The following ATXN10 variants were observed in gnomAD, a reference collection of about 807,000 sequenced individuals.
ATXN10 encodes ataxin 10, also known as ataxin-10.
ATXN10 carries 28 observed loss-of-function variants against 52.9 expected under a neutral mutation model. That is an observed-to-expected ratio of 0.53 (90% CI 0.39 to 0.73). The LOEUF (loss-of-function observed/expected upper bound fraction) is 0.73. ATXN10 is among the 30% of genes least tolerant of loss of function. The probability of loss-of-function intolerance (pLI) is 0.00; values close to 1 mark genes in which losing one functional copy is unlikely to be tolerated. For synonymous variants in ATXN10, 226 were observed against 221.5 expected, an observed-to-expected ratio of 1.02 and a Z score of -0.18; for missense variants, 565 against 577.0, an observed-to-expected ratio of 0.98 and a Z score of 0.21.
chr22:45,672,301 C>T (rs1922487880), intron 1 of ATXN10, 122 bp downstream of exon 1: 1 of 1,084,488 alleles, frequency 9.2e-7, no homozygotes, highest in Non-Finnish European at 1.1e-6. Context: ...GCGAGGCCTG[C>T]GCGGGCTGCC....
intron 9 of ATXN10, among the ~76,000 whole-genome samples, chr22:45,799,429 A>G (rs1927860571): frequency 1.3e-5 from 2 of 152,190 alleles, no homozygotes. Flanking sequence ...ACGAGATCAT[A>G]CTGGAGGAGG....
At chr22:45,778,139 C>T (rs1388224299) in intron 9 of ATXN10, among the ~76,000 whole-genome samples, 1 of 152,096 alleles carries the variant, frequency 6.6e-6, no homozygotes, top group Non-Finnish European at 1.5e-5. Context: ...GTTTGCTGGC[C>T]CCTGACTTAA....
At position 45,727,828 on chromosome 22, in the gene ATXN10, A is replaced by T. The variant is rs540926925; in HGVS notation, c.729-1597A>T. ...TTCCTGTTGGATCGATCCTTTTATC[A>T]TCATATAATGACCTTCTTTGTCTTT... On this transcript the variant is annotated intron_variant, in intron 6 of 11. Coordinates refer to ENST00000252934, the MANE Select transcript of ATXN10 (RefSeq NM_013236.4). The surrounding 1 kb of genome is among the most constrained non-coding windows in gnomAD (Gnocchi z 4.6). 1.3e-5 allele frequency among the ~76,000 whole-genome samples: 2 copies of T among 152,178 alleles called. No homozygotes were observed. The highest frequency in any genetic ancestry group is 1.3e-4 in the Admixed American group (2 of 15,286).
chr22:45,807,335 T>G (rs1928133895), intron 10 of ATXN10, among the ~76,000 whole-genome samples: 1 of 152,188 alleles, frequency 6.6e-6, no homozygotes, highest in African/African-American at 2.4e-5. Context: ...GTGTCACCTT[T>G]CCAGTGTGTG....
In ATXN10 at chr22:45,688,916, A is replaced by C. The variant is rs1029558671; in HGVS notation, c.117-796A>C. ...TGCATTTAGGTGCAATGTTGCACAAAAAATTCTTATCTTTAGAGCTCTGGA... is the reference window on the plus strand; with the variant it reads ...TGCATTTAGGTGCAATGTTGCACAACAAATTCTTATCTTTAGAGCTCTGGA... On this transcript the variant is annotated intron_variant, in intron 1 of 11. Transcript: ENST00000252934. The surrounding 1 kb of genome is among the most constrained non-coding windows in gnomAD (Gnocchi z 4.0). 6.6e-6 allele frequency among the ~76,000 whole-genome samples: 1 copy of C among 152,224 alleles called. No homozygotes were observed. Among genetic ancestry groups the C allele is most frequent in the African/African-American group, 2.4e-5 (1 of 41,456 alleles).
intron 4 of ATXN10, among the ~76,000 whole-genome samples, chr22:45,702,335 A>G (rs1923871550): frequency 6.6e-6 from 1 of 152,208 alleles, no homozygotes; most frequent in Non-Finnish European, 1.5e-5. Flanking sequence ...AAGCAGTGCC[A>G]GCAGTCATTG....
At chr22:45,808,209 C>T (rs190727125) in intron 10 of ATXN10, among the ~76,000 whole-genome samples, 681 of 150,590 alleles carry the variant, frequency 4.5e-3, no homozygotes, top group Non-Finnish European at 7.8e-3. Context: ...ATTTTTTTAG[C>T]CCCCCAAAAA....
rs1349801018 is a variant in ATXN10 at position 45,738,780 on chromosome 22, T to C, written c.944T>C (p.Val315Ala). ...CTCGACGTCCTGTGCGAAATGACTG[T>C]GAATACTGAGCTGCTCGGCTATCTG... ...RLLDVLCEMT[V>A]NTELLGYLQV... Residue 315 changes from valine (V) to alanine (A), a missense_variant, in exon 8 of 12, where the codon GTG (valine) becomes GCG (alanine). Transcript: ENST00000252934. 2 of 1,614,184 alleles carry C rather than the reference T, an allele frequency of 1.2e-6. No homozygotes were observed. The highest frequency in any genetic ancestry group is 3.3e-5 in the Admixed American group (2 of 60,026).
intron 9 of ATXN10, among the ~76,000 whole-genome samples, chr22:45,800,658 C>G (rs77866131): frequency 0.035 from 5,398 of 152,294 alleles, 263 homozygotes; most frequent in African/African-American, 0.11. Flanking sequence ...CATAGCATCT[C>G]CATTCATTGC....
In ATXN10 at chr22:45,762,208, T is replaced by C. The variant is rs1315707468; in HGVS notation, c.1173+21670T>C. 6.6e-6 allele frequency among the ~76,000 whole-genome samples: 1 copy of C among 152,170 alleles called. No individual in the cohort carries two copies. Among genetic ancestry groups the C allele is most frequent in the Non-Finnish European group, 1.5e-5 (1 of 68,022 alleles). On this transcript the variant is annotated intron_variant, in intron 9 of 11. Transcript: ENST00000252934. The surrounding 1 kb of genome is among the most constrained non-coding windows in gnomAD (Gnocchi z 4.3). ...CCCTGTGCGTTTCCGAGACTGTGTT[T>C]CTATTTATTTGCCCTTTGTCTGTTT...
intron 10 of ATXN10, among the ~76,000 whole-genome samples, chr22:45,821,950 G>A (rs1333405534): frequency 6.6e-6 from 1 of 152,208 alleles, no homozygotes; most frequent in African/African-American, 2.4e-5. Context: ...AGCCTTCCCT[G>A]AGGAATCCAT....
At position 45,697,759 on chromosome 22, in the gene ATXN10, C is replaced by T. The variant is rs531852351; in HGVS notation, c.392-2523C>T. On this transcript the variant is annotated intron_variant, in intron 3 of 11. Transcript: ENST00000252934. ...CATTCTCCTGCCTCAGCCTCCCGCA[C>T]AGCTGGGACTACAGGCGCCCGCCAC... Among the ~76,000 whole-genome samples the T allele has an allele frequency of 3.1e-3, 478 of 152,212 alleles. 2 individuals carry two copies. Among genetic ancestry groups the T allele is most frequent in the South Asian group, 0.01 (49 of 4,816 alleles).
chr22:45,758,063 C>T (rs1008388894), intron 9 of ATXN10, among the ~76,000 whole-genome samples: 7 of 152,216 alleles, frequency 4.6e-5, no homozygotes, highest in African/African-American at 7.2e-5. Flanking sequence ...AGAACAGTGG[C>T]GTCAGGAAGC....
rs1459329050 is a variant in ATXN10, at chr22:45,826,795, T to C, written c.1238-16196T>C. 6.6e-6 allele frequency among the ~76,000 whole-genome samples: 1 copy of C among 152,182 alleles called. No homozygotes were observed. The highest frequency in any genetic ancestry group is 1.9e-4 in the East Asian group (1 of 5,196). On this transcript the variant is annotated intron_variant, in intron 10 of 11. Coordinates refer to ENST00000252934, the MANE Select transcript of ATXN10 (RefSeq NM_013236.4). This position sits in a 1 kb window ranked among gnomAD's most constrained non-coding sequence, Gnocchi z 5.0. ...TTGTAAGAAATGCTCAAGGTAATCC[T>C]GCAGGATGAAATGAGAAGACAACAG...
At chr22:45,724,254 A>G (rs984481095) in intron 6 of ATXN10, among the ~76,000 whole-genome samples, 2 of 152,094 alleles carry the variant, frequency 1.3e-5, no homozygotes, top group Non-Finnish European at 2.9e-5. Context: ...ACTATTTTCC[A>G]TGAAGGTTTT....
Position 45,678,368 on chromosome 22 carries a change from A to G in ATXN10, c.116+6189A>G, listed in dbSNP as rs1355405543. ...CAATAGTGCTGTTATAAACAAATCC[A>G]TAGTAAGGTGCCTCTGCATCCCTAT... is the stretch of plus-strand genomic sequence containing the variant. On this transcript the variant is annotated intron_variant, in intron 1 of 11. Coordinates refer to ENST00000252934, the MANE Select transcript of ATXN10 (RefSeq NM_013236.4). This position sits in a 1 kb window ranked among gnomAD's most constrained non-coding sequence, Gnocchi z 4.1. 1 of 152,190 alleles carries G rather than the reference A, an allele frequency of 6.6e-6. No individual in the cohort carries two copies. Among genetic ancestry groups the G allele is most frequent in the African/African-American group, 2.4e-5 (1 of 41,448 alleles). 9.4% of individuals were successfully genotyped at this position (152,190 alleles called of 1,614,324 possible). A position where few individuals can be genotyped will look rare whatever the true frequency, so the allele number is the denominator to read the frequency against.
At position 45,764,003 on chromosome 22, in the gene ATXN10, G is replaced by A. The variant is rs1926492167; in HGVS notation, c.1173+23465G>A. Among the ~76,000 whole-genome samples, 3 of 151,866 alleles carry A rather than the reference G, an allele frequency of 2.0e-5. No individual in the cohort carries two copies. The South Asian group carries it at 6.2e-4, about 32-fold the overall frequency. ...ACTTGTGAGTTCCATTCCAGAATTC[G>A]GCCAGCCAGTTTCTCCCCGGCCTCT... On this transcript the variant is annotated intron_variant, in intron 9 of 11. Coordinates refer to ENST00000252934, the MANE Select transcript of ATXN10 (RefSeq NM_013236.4).
intron 10 of ATXN10, among the ~76,000 whole-genome samples, chr22:45,813,468 T>TA (rs200832392): frequency 1.3e-5 from 2 of 150,948 alleles, no homozygotes; most frequent in South Asian, 2.1e-4. Flanking sequence ...TTTTTTTTTT[T>TA]AATGGAAACA....
At position 45,687,972 on chromosome 22, in the gene ATXN10, G is replaced by C. The variant is rs1027098753; in HGVS notation, c.117-1740G>C. Among the ~76,000 whole-genome samples the C allele has an allele frequency of 2.0e-5, 3 of 152,250 alleles. No homozygotes were observed. The East Asian group carries it at 5.8e-4, about 29-fold the overall frequency. ...CTCGGGAGGCTGAGGCAGAAGAATTGCTTGAACCCAGGAGGCAGAGGTTGC... is the reference window on the plus strand; with the variant it reads ...CTCGGGAGGCTGAGGCAGAAGAATTCCTTGAACCCAGGAGGCAGAGGTTGC... On this transcript the variant is annotated intron_variant, in intron 1 of 11. Coordinates refer to ENST00000252934, the MANE Select transcript of ATXN10 (RefSeq NM_013236.4).
Sources: gnomAD v4.1 joint callset for allele counts (sites outside exome capture counted in the v4.1 genomes callset) on GRCh38, gnomAD v4.1.1 for gene constraint, Gnocchi (gnomAD v3.1) non-coding constraint, MANE v1.5 for transcripts, NCBI Gene and HGNC (gene_info 2026-07-23, HGNC 2026-07-21) for gene names.